The following MBNL2 variants were observed in gnomAD, a reference collection of about 807,000 sequenced individuals.
MBNL2 encodes muscleblind like splicing regulator 2.
In MBNL2, 17 loss-of-function variants were observed where a neutral mutation model predicts 41.9. The ratio of observed to expected loss-of-function variants is 0.41; its 90% CI spans 0.28 to 0.61. The LOEUF (loss-of-function observed/expected upper bound fraction) is 0.61, where lower values mean the gene tolerates loss of function less well. Among genes scored for constraint, MBNL2 ranks in the 20% least tolerant of loss-of-function variants. The pLI, the probability that MBNL2 is intolerant of heterozygous loss-of-function variation, is 0.35. For synonymous variants in MBNL2, 195 were observed against 182.9 expected, an observed-to-expected ratio of 1.07 and a Z score of -0.53; for missense variants, 336 against 505.6, an observed-to-expected ratio of 0.66 and a Z score of 3.22.
At chr13:97,301,338 A>C (rs1315550055) in intron 2 of MBNL2, among the ~76,000 whole-genome samples, 1 of 152,230 alleles carries the variant, frequency 6.6e-6, no homozygotes, top group African/African-American at 2.4e-5. Flanking sequence ...GAGAGCTTAT[A>C]TTAATGCCTC....
At chr13:97,177,670 ATG>A in the MBNL2 span, among the ~76,000 whole-genome samples, 3 of 152,226 alleles carry the variant, frequency 2.0e-5, no homozygotes, top group East Asian at 3.8e-4. Context: ...ATGAGAAGAT[ATG>A]TGTTTTTAGA....
At chr13:97,356,334 C>A (rs780964474) in intron 5 of MBNL2, among the ~76,000 whole-genome samples, 2 of 152,248 alleles carry the variant, frequency 1.3e-5, no homozygotes, top group African/African-American at 4.8e-5. Flanking sequence ...CAACTTGGGT[C>A]ATATCCTTAC....
chr13:97,273,819 G>A (rs986301537), intron 1 of MBNL2, among the ~76,000 whole-genome samples: 25 of 152,116 alleles, frequency 1.6e-4, no homozygotes, highest in Admixed American at 5.2e-4. Flanking sequence ...TCAACATTTT[G>A]GGAGGCCAAG....
At chr13:97,160,314 A>G in the MBNL2 span, among the ~76,000 whole-genome samples, 1 of 152,148 alleles carries the variant, frequency 6.6e-6, no homozygotes, top group African/African-American at 2.4e-5. Flanking sequence ...CTTTCTGCAA[A>G]AGGCAAGAAG....
chr13:97,325,840 G>T (rs1196783949), intron 2 of MBNL2, among the ~76,000 whole-genome samples: 1 of 152,198 alleles, frequency 6.6e-6, no homozygotes, highest in African/African-American at 2.4e-5. Flanking sequence ...GTTATGCTTT[G>T]TTTATTTAAA....
chr13:97,321,585 G>T (rs2059507270), intron 2 of MBNL2, among the ~76,000 whole-genome samples: 1 of 152,202 alleles, frequency 6.6e-6, no homozygotes, highest in South Asian at 2.1e-4. Context: ...TGAGGGAAGA[G>T]CAGTATTTAG....
At chr13:97,348,520 T>G (rs540201761) in intron 5 of MBNL2, among the ~76,000 whole-genome samples, 1 of 152,210 alleles carries the variant, frequency 6.6e-6, no homozygotes, top group Non-Finnish European at 1.5e-5. Flanking sequence ...TATGCATTCA[T>G]TCTTTCAAAA....
the MBNL2 span, among the ~76,000 whole-genome samples, chr13:97,158,037 G>C: frequency 2.0e-5 from 3 of 149,514 alleles, no homozygotes; most frequent in East Asian, 4.0e-4. Context: ...GACTCTTTTT[G>C]GTTGGTAAGC....
chr13:97,232,973 C>T lies in MBNL2; in HGVS notation c.-605+10442C>T, dbSNP rs183165012. On this transcript the variant is annotated intron_variant, in intron 1 of 8. Transcript: ENST00000679496. ...TAAATAGATACCATAGGTAAAAGCT[C>T]GTTATCAACTGTAAGACCTATTCCA... Among the ~76,000 whole-genome samples, 223 of 150,290 alleles carry T rather than the reference C, an allele frequency of 1.5e-3. 2 individuals carry two copies. Among genetic ancestry groups the T allele is most frequent in the African/African-American group, 5.1e-3 (206 of 40,768 alleles).
intron 5 of MBNL2, among the ~76,000 whole-genome samples, chr13:97,354,306 C>CA: frequency 6.6e-6 from 1 of 152,144 alleles, no homozygotes. Context: ...ATGCAGCAGT[C>CA]AAAATCACCA....
intron 8 of MBNL2, among the ~76,000 whole-genome samples, chr13:97,376,945 T>A: frequency 6.6e-6 from 1 of 152,192 alleles, no homozygotes; most frequent in East Asian, 1.9e-4. Flanking sequence ...ATCACCCATG[T>A]CCTGCCTAGA....
rs759253534 is a variant in MBNL2, at chr13:97,312,815, T to C, written c.175-21461T>C. 2.0e-5 allele frequency among the ~76,000 whole-genome samples: 3 copies of C among 152,246 alleles called. No individual in the cohort carries two copies. The South Asian group carries it at 6.2e-4, about 32-fold the overall frequency. On this transcript the variant is annotated intron_variant, in intron 2 of 8. Coordinates refer to ENST00000679496, the MANE Select transcript of MBNL2 (RefSeq NM_001382683.1). The stretch of plus-strand genomic sequence containing the variant: ...TAAGTATGTTTTCACTACCTGTTCA[T>C]TGGGAACACACTTTACAAAAATTAC...
chr13:97,348,328 T>C (rs1227131812), intron 5 of MBNL2, among the ~76,000 whole-genome samples: 1 of 152,082 alleles, frequency 6.6e-6, no homozygotes, highest in Non-Finnish European at 1.5e-5. Flanking sequence ...CCCAATGTGT[T>C]GGGATTACAG....
the MBNL2 span, among the ~76,000 whole-genome samples, chr13:97,153,136 A>G: frequency 6.6e-6 from 1 of 152,222 alleles, no homozygotes; most frequent in African/African-American, 2.4e-5. Context: ...AACTCCAGGG[A>G]CATAAAAATG....
chr13:97,346,973 C>T lies in MBNL2; in HGVS notation c.710C>T (p.Pro237Leu). 2 of 1,613,864 alleles carry T rather than the reference C, an allele frequency of 1.2e-6. No individual in the cohort carries two copies. The highest frequency in any genetic ancestry group is 1.7e-6 in the Non-Finnish European group (2 of 1,179,766). Residue 237 changes from proline to leucine, a missense_variant, in exon 5 of 9, where the codon CCT (proline) becomes CTT (leucine). Physicochemically the swap from Pro to Leu is moderately conservative, Grantham distance 98 (BLOSUM62 -3). Transcript: ENST00000679496. The surrounding 1 kb of genome is among the most constrained non-coding windows in gnomAD (Gnocchi z 4.2). ...GAGAAATGCAAATATTTTCACCCTC[C>T]TGCACACTTGCAGGCCAAAATCAAA... ...MREKCKYFHP[P>L]AHLQAKIKAA...
intron 1 of MBNL2, among the ~76,000 whole-genome samples, chr13:97,248,988 C>G (rs996943023): frequency 6.6e-6 from 1 of 152,156 alleles, no homozygotes; most frequent in African/African-American, 2.4e-5. Context: ...AAAGTGGCCA[C>G]CCCCAACCCC....
chr13:97,192,978 G>A, the MBNL2 span, among the ~76,000 whole-genome samples: 1 of 152,194 alleles, frequency 6.6e-6, no homozygotes, highest in African/African-American at 2.4e-5. Flanking sequence ...GAGAGACCCG[G>A]CAGCTATTTT....
intron 1 of MBNL2, among the ~76,000 whole-genome samples, chr13:97,245,323 TC>T (rs763403959): frequency 1.6e-4 from 25 of 152,122 alleles, no homozygotes; most frequent in Non-Finnish European, 3.1e-4. Flanking sequence ...AGTGCTGGGA[TC>T]ACTTAGTGAT....
At chr13:97,362,627 C>G (rs368363335) in intron 7 of MBNL2, among the ~76,000 whole-genome samples, 2 of 152,112 alleles carry the variant, frequency 1.3e-5, no homozygotes, top group South Asian at 2.1e-4. Flanking sequence ...CTAGACCACA[C>G]GGGACCTTTA....
Sources: allele counts gnomAD v4.1 joint callset (sites outside exome capture counted in the v4.1 genomes callset), GRCh38; gene constraint gnomAD v4.1.1; non-coding constraint Gnocchi (gnomAD v3.1); transcripts MANE v1.5; gene names NCBI Gene and HGNC (gene_info 2026-07-23, HGNC 2026-07-21).